Variants in VPS54 observed in about 807,000 individuals in gnomAD.
VPS54 encodes the protein vacuolar protein sorting-associated protein 54.
Under a neutral mutation model 121.5 loss-of-function variants are expected in VPS54, and 45 were observed. The observed-to-expected ratio is 0.37, with a 90% CI of 0.29 to 0.47. The LOEUF (loss-of-function observed/expected upper bound fraction) is 0.47, where lower values mean the gene tolerates loss of function less well. VPS54 is among the 20% of genes least tolerant of loss of function. The probability of loss-of-function intolerance (pLI) is 0.99; values close to 1 mark genes in which losing one functional copy is unlikely to be tolerated. For missense variants in VPS54, 1,090 were observed against 1,131.4 expected (o/e 0.96, Z 0.52); for synonymous variants, 371 against 385.8 (o/e 0.96, Z 0.45).
At chr2:64,008,259 G>A (rs1304759412) in intron 1 of VPS54, among the ~76,000 whole-genome samples, 3 of 151,740 alleles carry the variant, frequency 2.0e-5, no homozygotes, top group Admixed American at 6.6e-5. Context: ...CAAAAAATAC[G>A]AAAAATTAGC....
chr2:63,988,268 A>G (rs187900790), intron 1 of VPS54, among the ~76,000 whole-genome samples: 2 of 152,094 alleles, frequency 1.3e-5, no homozygotes, highest in Admixed American at 6.6e-5. Flanking sequence ...GAATCAATTG[A>G]TATGTTTTTT....
intron 12 of VPS54, among the ~76,000 whole-genome samples, chr2:63,931,724 C>G (rs1476333731): frequency 6.6e-6 from 1 of 152,182 alleles, no homozygotes; most frequent in African/African-American, 2.4e-5. Context: ...AGGCAACCTA[C>G]AGAATGGGAG....
At chr2:63,926,460 T>C (rs541479437) in intron 12 of VPS54, among the ~76,000 whole-genome samples, 2 of 152,212 alleles carry the variant, frequency 1.3e-5, no homozygotes, top group Admixed American at 6.5e-5. Context: ...AACTGTGACC[T>C]TTATAAGCTC....
rs1290827998 is a variant in VPS54 at position 64,013,650 on chromosome 2, A to T, written c.-21+5288T>A. 4.8e-5 allele frequency among the ~76,000 whole-genome samples: 7 copies of T among 146,448 alleles called. 1 individual carries two copies. Among genetic ancestry groups the T allele is most frequent in the Admixed American group, 2.8e-4 (4 of 14,464 alleles). On this transcript the variant is annotated intron_variant, in intron 1 of 22. Coordinates refer to ENST00000272322, the MANE Select transcript of VPS54 (RefSeq NM_016516.3). ...TATATATAAATATATATCAATATATAGATATATATTGATATATATATCTAT... is the reference window on the plus strand; with the variant it reads ...TATATATAAATATATATCAATATATTGATATATATTGATATATATATCTAT...
intron 20 of VPS54, among the ~76,000 whole-genome samples, chr2:63,908,034 C>T (rs1672980285): frequency 6.6e-6 from 1 of 152,108 alleles, no homozygotes; most frequent in Non-Finnish European, 1.5e-5. Flanking sequence ...TTTTATATTT[C>T]CATAATCCAC....
intron 20 of VPS54, among the ~76,000 whole-genome samples, chr2:63,910,386 G>C (rs1211989864): frequency 6.6e-6 from 1 of 152,170 alleles, no homozygotes; most frequent in East Asian, 1.9e-4. Context: ...GCGTGTTCTA[G>C]TTTATAAGAC....
intron 10 of VPS54, among the ~76,000 whole-genome samples, chr2:63,944,332 TAA>T (rs1243211120): frequency 0.015 from 2,311 of 152,222 alleles, 53 homozygotes; most frequent in African/African-American, 0.053. Context: ...AGCTCTCTAG[TAA>T]AGGTACCTAT....
chr2:63,894,634 T>C (rs947570866), intron 22 of VPS54, among the ~76,000 whole-genome samples: 6 of 151,526 alleles, frequency 4.0e-5, no homozygotes, highest in African/African-American at 1.5e-4. Flanking sequence ...GCCACGGAGG[T>C]TGAGGCTGCA....
At chr2:63,957,857 C>CA (rs764023146) in intron 7 of VPS54, among the ~76,000 whole-genome samples, 4 of 152,038 alleles carry the variant, frequency 2.6e-5, no homozygotes, top group Non-Finnish European at 4.4e-5. Flanking sequence ...AGAGAGCTTT[C>CA]AAAAAAATAC....
intron 2 of VPS54, among the ~76,000 whole-genome samples, chr2:63,982,943 G>C (rs908974319): frequency 1.3e-5 from 2 of 152,110 alleles, no homozygotes; most frequent in Non-Finnish European, 2.9e-5. Context: ...CAAATGTGCC[G>C]CAAGTAGTGA....
At chr2:63,959,616 G>A (rs1234244705) in intron 7 of VPS54, among the ~76,000 whole-genome samples, 2 of 152,224 alleles carry the variant, frequency 1.3e-5, no homozygotes, top group African/African-American at 4.8e-5. Flanking sequence ...GCCGAGCATG[G>A]TGGCTAATGC....
At chr2:63,939,150 G>C (rs1234606870) in intron 11 of VPS54, among the ~76,000 whole-genome samples, 1 of 152,040 alleles carries the variant, frequency 6.6e-6, no homozygotes, top group Non-Finnish European at 1.5e-5. Context: ...AAGGTGGGTG[G>C]ATCACAAGGT....
At chr2:63,915,926 C>T (rs997551965) in intron 16 of VPS54, among the ~76,000 whole-genome samples, 25 of 152,136 alleles carry the variant, frequency 1.6e-4, no homozygotes, top group Non-Finnish European at 2.4e-4. Context: ...AAGACATATA[C>T]ATAAATAAAC....
At chr2:63,987,998 T>C (rs1677134177) in intron 1 of VPS54, among the ~76,000 whole-genome samples, 1 of 152,220 alleles carries the variant, frequency 6.6e-6, no homozygotes, top group African/African-American at 2.4e-5. Flanking sequence ...CTTTCCAATT[T>C]GGATGCTTTC....
chr2:63,968,530 G>T (rs10174258), intron 5 of VPS54, among the ~76,000 whole-genome samples: 2 of 151,792 alleles, frequency 1.3e-5, no homozygotes, highest in African/African-American at 4.8e-5. Flanking sequence ...CGGCCAACAC[G>T]GTGAAACCCC....
chr2:63,991,406 G>A (rs1362797718), intron 1 of VPS54, among the ~76,000 whole-genome samples: 1 of 152,122 alleles, frequency 6.6e-6, no homozygotes, highest in Non-Finnish European at 1.5e-5. Context: ...GGTGTTCCCT[G>A]CATATATTAA....
chr2:63,987,544 T>C (rs976377408), intron 1 of VPS54, among the ~76,000 whole-genome samples: 42 of 152,220 alleles, frequency 2.8e-4, no homozygotes, highest in African/African-American at 1.0e-3. Flanking sequence ...TCAAGATTGT[T>C]TTTTCTATTT....
At chr2:63,963,953 T>C (rs1675878574) in intron 6 of VPS54, among the ~76,000 whole-genome samples, 1 of 152,204 alleles carries the variant, frequency 6.6e-6, no homozygotes, top group South Asian at 2.1e-4. Flanking sequence ...AAGCACACTG[T>C]ATTTTTTTCA....
At chr2:63,936,051 C>T (rs1184405695) in intron 11 of VPS54, among the ~76,000 whole-genome samples, 1 of 152,078 alleles carries the variant, frequency 6.6e-6, no homozygotes, top group African/African-American at 2.4e-5. Context: ...AGCTGGAGAA[C>T]CAAGACAAAA....
Sources: allele counts gnomAD v4.1 joint callset (sites outside exome capture counted in the v4.1 genomes callset), GRCh38; gene constraint gnomAD v4.1.1; transcripts MANE v1.5; gene names NCBI Gene and HGNC (gene_info 2026-07-23, HGNC 2026-07-21).